The following BRAF variants were observed in gnomAD, a reference collection of about 807,000 sequenced individuals.
The protein encoded by BRAF is B-Raf proto-oncogene, serine/threonine kinase.
Under a neutral mutation model 104.6 loss-of-function variants are expected in BRAF, and 16 were observed. That is an observed-to-expected ratio of 0.15 (90% CI 0.10 to 0.23). The LOEUF (loss-of-function observed/expected upper bound fraction) is 0.23. BRAF is among the 10% of genes least tolerant of loss of function. The pLI, the probability that BRAF is intolerant of heterozygous loss-of-function variation, is 1.00. For missense variants in BRAF, 541 were observed against 937.3 expected, an observed-to-expected ratio of 0.58 and a Z score of 5.52; for synonymous variants, 310 against 341.6, an observed-to-expected ratio of 0.91 and a Z score of 1.02.
At chr7:140,764,043 C>T (rs1310470289) in intron 14 of BRAF, among the ~76,000 whole-genome samples, 2 of 152,114 alleles carry the variant, frequency 1.3e-5, no homozygotes, top group Non-Finnish European at 1.5e-5. Flanking sequence ...ATGCAAAAAT[C>T]CTCAATAAAG....
intron 1 of BRAF, among the ~76,000 whole-genome samples, chr7:140,851,765 G>A (rs1294856597): frequency 2.6e-5 from 4 of 152,092 alleles, no homozygotes; most frequent in Non-Finnish European, 5.9e-5. Flanking sequence ...CTAAACTTTT[G>A]CCAGTCTGAA....
intron 3 of BRAF, among the ~76,000 whole-genome samples, chr7:140,817,648 C>T (rs1299304723): frequency 6.6e-6 from 1 of 152,150 alleles, no homozygotes; most frequent in African/African-American, 2.4e-5. Context: ...CATACATCTA[C>T]AGTGAACTCA....
At chr7:140,873,103 C>G (rs1465542906) in intron 1 of BRAF, among the ~76,000 whole-genome samples, 1 of 151,458 alleles carries the variant, frequency 6.6e-6, no homozygotes, top group Non-Finnish European at 1.5e-5. Context: ...GTCAAAACAA[C>G]CATTTCAGTG....
At chr7:140,837,688 T>G (rs1038051074) in intron 2 of BRAF, among the ~76,000 whole-genome samples, 1 of 152,238 alleles carries the variant, frequency 6.6e-6, no homozygotes, top group African/African-American at 2.4e-5. Context: ...TTCACACTAC[T>G]GCCTGAAAAT....
chr7:140,783,190 A>T (rs1324587846), intron 10 of BRAF, 33 bp from the exon 10 acceptor site: 1 of 1,611,848 alleles, frequency 6.2e-7, no homozygotes. Context: ...GTATACATTA[A>T]GGAGGAGCAA....
intron 18 of BRAF, among the ~76,000 whole-genome samples, chr7:140,736,404 C>T (rs1796436529): frequency 6.7e-6 from 1 of 149,666 alleles, no homozygotes; most frequent in Non-Finnish European, 1.5e-5. Flanking sequence ...AAAATACATA[C>T]ATGAAAACAA....
intron 1 of BRAF, among the ~76,000 whole-genome samples, chr7:140,893,799 C>T (rs1293707443): frequency 6.6e-6 from 1 of 152,034 alleles, no homozygotes; most frequent in Non-Finnish European, 1.5e-5. Context: ...CCATCTATCA[C>T]TATCAAATGC....
intron 1 of BRAF, among the ~76,000 whole-genome samples, chr7:140,851,636 T>A (rs1809169129): frequency 6.6e-6 from 1 of 152,194 alleles, no homozygotes; most frequent in African/African-American, 2.4e-5. Context: ...TATTTTAAAA[T>A]TTAATAAATA....
chr7:140,871,598 TA>T (rs1479089365), intron 1 of BRAF, among the ~76,000 whole-genome samples: 1 of 151,676 alleles, frequency 6.6e-6, no homozygotes, highest in Non-Finnish European at 1.5e-5. Flanking sequence ...TTTAGACACC[TA>T]AAAAAAACCA....
chr7:140,773,394 C>T (rs889463933), intron 14 of BRAF: 2 of 152,212 alleles, frequency 1.3e-5, no homozygotes, highest in Non-Finnish European at 2.9e-5. Flanking sequence ...TCACCCAAGA[C>T]TCTTCGAATC....
intron 10 of BRAF, among the ~76,000 whole-genome samples, chr7:140,785,272 A>G (rs1801244798): frequency 6.6e-6 from 1 of 152,150 alleles, no homozygotes; most frequent in Non-Finnish European, 1.5e-5. Context: ...TGACACTTTA[A>G]TTTTCTTAAA....
intron 1 of BRAF, among the ~76,000 whole-genome samples, chr7:140,909,467 T>A (rs1816724667): frequency 6.6e-6 from 1 of 152,048 alleles, no homozygotes; most frequent in Admixed American, 6.6e-5. Context: ...TCTACCTTAG[T>A]GCAATTTTAT....
chr7:140,768,132 G>T (rs773997075), intron 14 of BRAF, among the ~76,000 whole-genome samples: 1 of 152,088 alleles, frequency 6.6e-6, no homozygotes, highest in Non-Finnish European at 1.5e-5. Context: ...ATTCTGAAAG[G>T]ATACACAATA....
intron 3 of BRAF, among the ~76,000 whole-genome samples, chr7:140,812,699 T>A (rs1804413758): frequency 6.6e-6 from 1 of 152,044 alleles, no homozygotes; most frequent in African/African-American, 2.4e-5. Context: ...GATGAAGAAA[T>A]CAATGGAACA....
chr7:140,788,242 G>A (rs1268670434), intron 8 of BRAF, among the ~76,000 whole-genome samples: 1 of 152,112 alleles, frequency 6.6e-6, no homozygotes, highest in African/African-American at 2.4e-5. Flanking sequence ...CTTTGATTCT[G>A]TAATTCTACT....
chr7:140,889,614 A>T (rs1056531409), intron 1 of BRAF, among the ~76,000 whole-genome samples: 2 of 152,216 alleles, frequency 1.3e-5, no homozygotes, highest in Non-Finnish European at 2.9e-5. Context: ...TTAAAATTCT[A>T]ATTTAAAATC....
intron 1 of BRAF, among the ~76,000 whole-genome samples, chr7:140,881,096 G>A (rs1327705996): frequency 2.0e-5 from 3 of 152,302 alleles, no homozygotes; most frequent in African/African-American, 7.2e-5. Flanking sequence ...CTTCTGAGCA[G>A]GGGGTCTCAA....
chr7:140,798,564 T>C (rs1802744884), intron 7 of BRAF, among the ~76,000 whole-genome samples: 1 of 149,844 alleles, frequency 6.7e-6, no homozygotes. Flanking sequence ...CCGGCCTTTT[T>C]TTTTTTTTTT....
rs142334073 is a variant in BRAF, at chr7:140,804,588, G to A, written c.712-3028C>T. Among the ~76,000 whole-genome samples the A allele has an allele frequency of 3.3e-3, 495 of 152,218 alleles. 3 individuals carry two copies. Among genetic ancestry groups the A allele is most frequent in the African/African-American group, 0.011 (473 of 41,526 alleles). The stretch of plus-strand genomic sequence containing the variant: ...GCTGCCCACCTTAGCCTCCCAAAGT[G>A]CTGGGATTACAGGCGTGAGCCACTG... On this transcript the variant is annotated intron_variant, in intron 5 of 19. Transcript: ENST00000644969.
Sources: allele counts gnomAD v4.1 joint callset (sites outside exome capture counted in the v4.1 genomes callset), GRCh38; gene constraint gnomAD v4.1.1; transcripts MANE v1.5; gene names NCBI Gene and HGNC (gene_info 2026-07-23, HGNC 2026-07-21).